The following TEX14 variants were observed in gnomAD, a reference collection of about 807,000 sequenced individuals.
TEX14 encodes testis expressed 14, intercellular bridge forming factor.
A neutral mutation model predicts 178.6 loss-of-function variants in TEX14; 168 were observed. The ratio of observed to expected loss-of-function variants is 0.94; its 90% CI spans 0.83 to 1.07. The LOEUF is 1.07. TEX14 is among the 50% of genes least tolerant of loss of function. The probability of loss-of-function intolerance (pLI) is 0.00; values close to 1 mark genes in which losing one functional copy is unlikely to be tolerated. For synonymous variants in TEX14, 626 were observed against 634.1 expected, an observed-to-expected ratio of 0.99 and a Z score of 0.19; for missense variants, 1,730 against 1,753.6, an observed-to-expected ratio of 0.99 and a Z score of 0.24.
At chr17:58,599,712 T>G (rs143469136) in intron 13 of TEX14, 46 bp from the exon 14 acceptor site, 11 of 1,522,388 alleles carry the variant, frequency 7.2e-6, no homozygotes, top group Non-Finnish European at 9.8e-6. Context: ...ATGAACATAT[T>G]TGGCAGCTAA....
chr17:58,644,151 A>G (rs2046642328), intron 2 of TEX14, among the ~76,000 whole-genome samples: 2 of 152,124 alleles, frequency 1.3e-5, no homozygotes, highest in African/African-American at 4.8e-5. Context: ...CCAATGACCA[A>G]TGATTTAATC....
At chr17:58,594,929 T>C (rs1364906530) in intron 14 of TEX14, among the ~76,000 whole-genome samples, 1 of 152,122 alleles carries the variant, frequency 6.6e-6, no homozygotes, top group Non-Finnish European at 1.5e-5. Flanking sequence ...ATATGGAGTT[T>C]GAGATGGGAG....
At position 58,571,909 on chromosome 17, in the gene TEX14, T is replaced by C; in HGVS notation, c.3717+12A>G. ...ACTCCATGAGTTTGTAACGTGGAATTGATATACTTACAAGACCAGTCAGTC... is the reference window on the plus strand; with the variant it reads ...ACTCCATGAGTTTGTAACGTGGAATCGATATACTTACAAGACCAGTCAGTC... On this transcript the variant is annotated intron_variant, in intron 24 of 31. Coordinates refer to ENST00000349033, the MANE Select transcript of TEX14 (RefSeq NM_031272.5). 6.2e-7 allele frequency: 1 copy of C among 1,611,720 alleles called. No homozygotes were observed. Among genetic ancestry groups the C allele is most frequent in the Non-Finnish European group, 8.5e-7 (1 of 1,178,368 alleles).
At chr17:58,621,242 C>A (rs2045990969) in intron 5 of TEX14, among the ~76,000 whole-genome samples, 1 of 152,276 alleles carries the variant, frequency 6.6e-6, no homozygotes, top group Middle Eastern at 3.4e-3. Flanking sequence ...CCCAAGAAAC[C>A]GTAAGTTAAG....
At position 58,602,565 on chromosome 17, in the gene TEX14, A is replaced by G. The variant is rs1441256134; in HGVS notation, c.1362T>C (p.Asp454=). The change falls in exon 12 of 32, where the codon GAT becomes GAC. Residue 454 remains aspartate (D), a synonymous_variant. Transcript: ENST00000349033. ...CTACGGCTTTTTTAACAACTGAGCC[A>G]TCTAAGCCCTTCCAGGGTATGTCAT... ...LTDDIPWKGL[D]GSVVKKAVVS... is the part of the protein sequence containing the mutation. 1 of 1,613,846 alleles carries G rather than the reference A, an allele frequency of 6.2e-7. No individual in the cohort carries two copies. The highest frequency in any genetic ancestry group is 1.1e-5 in the South Asian group (1 of 91,030).
chr17:58,578,755 C>T (rs1176335753), intron 20 of TEX14, among the ~76,000 whole-genome samples: 1 of 152,202 alleles, frequency 6.6e-6, no homozygotes, highest in Non-Finnish European at 1.5e-5. Context: ...ACTTTTAATA[C>T]ATATTATGCT....
At chr17:58,571,870 G>A (rs1305043067) in intron 24 of TEX14, 51 bp downstream of exon 24, 2 of 1,521,638 alleles carry the variant, frequency 1.3e-6, no homozygotes, top group East Asian at 2.3e-5. Flanking sequence ...TGGGTCACTG[G>A]GCCCTTTGGG....
At chr17:58,596,180 C>T (rs1567725010) in intron 14 of TEX14, among the ~76,000 whole-genome samples, 1 of 151,548 alleles carries the variant, frequency 6.6e-6, no homozygotes, top group Non-Finnish European at 1.5e-5. Context: ...AAGATTCTGT[C>T]TTTAAAAATT....
At chr17:58,566,307 T>A (rs977702683) in intron 26 of TEX14, among the ~76,000 whole-genome samples, 1 of 152,202 alleles carries the variant, frequency 6.6e-6, no homozygotes, top group African/African-American at 2.4e-5. Context: ...ATGAGGAAAT[T>A]TAGGTTAAGA....
At chr17:58,577,107 T>C (rs993377570) in intron 21 of TEX14, among the ~76,000 whole-genome samples, 10 of 152,184 alleles carry the variant, frequency 6.6e-5, no homozygotes, top group African/African-American at 2.4e-4. Context: ...TATCCCTGCT[T>C]CACAGATGGG....
At chr17:58,617,709 T>C in intron 5 of TEX14, 90 bp from the exon 6 acceptor site, 1 of 895,654 alleles carries the variant, frequency 1.1e-6, no homozygotes, top group South Asian at 1.6e-5. Flanking sequence ...GAAGGTGTAG[T>C]TGACTTTGTC....
At chr17:58,667,146 T>C (rs1350083699) in intron 1 of TEX14, among the ~76,000 whole-genome samples, 3 of 152,204 alleles carry the variant, frequency 2.0e-5, no homozygotes, top group Non-Finnish European at 4.4e-5. Flanking sequence ...GAACTTTTAG[T>C]CACGGGATAC....
intron 1 of TEX14, among the ~76,000 whole-genome samples, chr17:58,655,331 G>A (rs899143136): frequency 5.9e-5 from 9 of 151,670 alleles, no homozygotes; most frequent in East Asian, 3.9e-4. Flanking sequence ...CTACAGGCAC[G>A]CACCACAATG....
chr17:58,584,276 T>C (rs2044897227), intron 19 of TEX14, among the ~76,000 whole-genome samples: 1 of 152,178 alleles, frequency 6.6e-6, no homozygotes, highest in Non-Finnish European at 1.5e-5. Context: ...TTCTGTACTC[T>C]CCCAATCTCC....
At chr17:58,673,202 A>G (rs1439483598) in intron 1 of TEX14, among the ~76,000 whole-genome samples, 1 of 151,058 alleles carries the variant, frequency 6.6e-6, no homozygotes, top group African/African-American at 2.4e-5. Flanking sequence ...ATTGTAGGGC[A>G]GGGCGCGGTA....
intron 1 of TEX14, among the ~76,000 whole-genome samples, chr17:58,653,316 T>G (rs1567759926): frequency 6.6e-6 from 1 of 152,214 alleles, no homozygotes. Flanking sequence ...AGTTGTTAGC[T>G]GTTACTGTGC....
chr17:58,675,439 G>T, intron 1 of TEX14: 2 of 154,664 alleles, frequency 1.3e-5, no homozygotes, highest in South Asian at 3.6e-4. Flanking sequence ...GAGAGGAGAT[G>T]AGAAGAGAAA....
intron 27 of TEX14, 52 bp from the exon 28 acceptor site, chr17:58,565,020 A>G: frequency 8.0e-7 from 1 of 1,246,010 alleles, no homozygotes; most frequent in Non-Finnish European, 1.2e-6. Flanking sequence ...AAAATTGAGA[A>G]AGCTTGCCTT....
At chr17:58,615,658 G>A (rs192516861) in intron 7 of TEX14, among the ~76,000 whole-genome samples, 128 of 152,314 alleles carry the variant, frequency 8.4e-4, no homozygotes, top group Non-Finnish European at 1.5e-3. Context: ...AGAATGGGAA[G>A]CCAGTTAGGA....
Sources: allele counts gnomAD v4.1 joint callset (sites outside exome capture counted in the v4.1 genomes callset), GRCh38; gene constraint gnomAD v4.1.1; transcripts MANE v1.5; gene names NCBI Gene and HGNC (gene_info 2026-07-23, HGNC 2026-07-21).